Variants in SLC30A8 observed in about 807,000 individuals in gnomAD.
The protein encoded by SLC30A8 is proton-coupled zinc antiporter SLC30A8.
SLC30A8 carries 27 observed loss-of-function variants against 36.9 expected under a neutral mutation model. The observed-to-expected ratio is 0.73, with a 90% CI of 0.54 to 1.01. The LOEUF is 1.01. Among genes scored for constraint, SLC30A8 ranks in the 50% least tolerant of loss-of-function variants. The pLI is 0.00. For missense variants in SLC30A8, 439 were observed against 452.0 expected (o/e 0.97, Z 0.26); for synonymous variants, 164 against 172.4 (o/e 0.95, Z 0.38).
At chr8:117,146,189 T>C (rs762167838) in intron 1 of SLC30A8, among the ~76,000 whole-genome samples, 4 of 152,180 alleles carry the variant, frequency 2.6e-5, no homozygotes, top group Non-Finnish European at 4.4e-5. Flanking sequence ...ACTGATTTGA[T>C]CTTTAAAAAT....
chr8:116,989,815 C>T (rs1167907341), intron 1 of SLC30A8, among the ~76,000 whole-genome samples: 1 of 152,208 alleles, frequency 6.6e-6, no homozygotes, highest in Non-Finnish European at 1.5e-5. Context: ...CAACTTCTTC[C>T]TGGGCCCAAT....
At chr8:117,127,553 G>A (rs1233752385) in intron 2 of SLC30A8, among the ~76,000 whole-genome samples, 1 of 152,014 alleles carries the variant, frequency 6.6e-6, no homozygotes, top group Non-Finnish European at 1.5e-5. Context: ...TGAAAGACAG[G>A]AAAATATTTG....
At chr8:117,016,597 T>G (rs75435710) in intron 1 of SLC30A8, among the ~76,000 whole-genome samples, 1,550 of 152,342 alleles carry the variant, frequency 0.01, 23 homozygotes, top group African/African-American at 0.034. Flanking sequence ...AAACAAATAC[T>G]GTCATCATTT....
Position 117,135,317 on chromosome 8 carries a change from T to A in SLC30A8, c.-11T>A, listed in dbSNP as rs1177170683. ...CAACGACAACAACAGCCGCAGCTCA[T>A]CCTGGCCGTCATGGAGTTTCTTGAA... On this transcript the variant is annotated 5_prime_UTR_variant, in exon 1 of 8. Coordinates refer to ENST00000456015, the MANE Select transcript of SLC30A8 (RefSeq NM_173851.3). 1 of 1,590,202 alleles carries A rather than the reference T, an allele frequency of 6.3e-7. No homozygotes were observed. The highest frequency in any genetic ancestry group is 8.6e-7 in the Non-Finnish European group (1 of 1,165,458).
chr8:117,050,302 C>T (rs1323603293), intron 2 of SLC30A8, among the ~76,000 whole-genome samples: 1 of 152,116 alleles, frequency 6.6e-6, no homozygotes, highest in African/African-American at 2.4e-5. Context: ...TGGTGGCTCG[C>T]AGTCCTCTAA....
chr8:117,012,810 T>A (rs1031719038), intron 1 of SLC30A8, among the ~76,000 whole-genome samples: 1 of 150,658 alleles, frequency 6.6e-6, no homozygotes, highest in Non-Finnish European at 1.5e-5. Context: ...CAGCATATAT[T>A]TCTTATAATC....
Position 117,076,928 on chromosome 8 carries a change from C to T in SLC30A8, c.-226+37670C>T, listed in dbSNP as rs931899677. Among the ~76,000 whole-genome samples the T allele has an allele frequency of 2.6e-5, 4 of 152,166 alleles. No individual in the cohort carries two copies. The South Asian group carries it at 6.2e-4, about 24-fold the overall frequency. On this transcript the variant is annotated intron_variant, in intron 2 of 10. Coordinates refer to the SLC30A8 transcript ENST00000427715. ...CAAAATGTCTTCCGAAGGGATATTT[C>T]AGCATTAAAAGAAGACAAGATCTCT...
intron 2 of SLC30A8, among the ~76,000 whole-genome samples, chr8:117,097,570 T>C (rs1819456592): frequency 9.3e-6 from 1 of 107,058 alleles, no homozygotes; most frequent in African/African-American, 3.9e-5. Context: ...TTATATATAA[T>C]ATATAATTTT....
chr8:117,079,237 C>T (rs192917085), intron 2 of SLC30A8, among the ~76,000 whole-genome samples: 26 of 152,028 alleles, frequency 1.7e-4, no homozygotes, highest in Admixed American at 1.2e-3. Flanking sequence ...CTTGAGCTCC[C>T]GACCTCAGGT....
At chr8:117,170,895 T>G in intron 6 of SLC30A8, 139 bp from the exon 7 acceptor site, 1 of 680,694 alleles carries the variant, frequency 1.5e-6, no homozygotes, top group Non-Finnish European at 2.4e-6. Context: ...TAAATCTTAT[T>G]TGTAAACATT....
chr8:117,119,256 C>A (rs546338390), intron 2 of SLC30A8, among the ~76,000 whole-genome samples: 3 of 151,882 alleles, frequency 2.0e-5, no homozygotes, highest in Admixed American at 6.6e-5. Context: ...CTTTGGCTGT[C>A]GTCTTCAACA....
At chr8:116,969,797 C>T (rs1814730126) in intron 1 of SLC30A8, among the ~76,000 whole-genome samples, 3 of 151,782 alleles carry the variant, frequency 2.0e-5, no homozygotes, top group Admixed American at 2.0e-4. Context: ...AATGATATAC[C>T]TGTATATCAG....
At chr8:117,036,297 A>G (rs1266698700) in intron 1 of SLC30A8, among the ~76,000 whole-genome samples, 1 of 152,186 alleles carries the variant, frequency 6.6e-6, no homozygotes, top group Non-Finnish European at 1.5e-5. Context: ...ATCTCTAGGA[A>G]GTTCCAAACT....
intron 2 of SLC30A8, among the ~76,000 whole-genome samples, chr8:117,104,580 C>G (rs1288534249): frequency 6.6e-6 from 1 of 152,112 alleles, no homozygotes; most frequent in African/African-American, 2.4e-5. Flanking sequence ...TCTGAGAGCT[C>G]ATCAGAATTG....
intron 2 of SLC30A8, among the ~76,000 whole-genome samples, chr8:117,067,979 T>G (rs1818219065): frequency 6.6e-6 from 1 of 152,214 alleles, no homozygotes; most frequent in African/African-American, 2.4e-5. Flanking sequence ...ACCTACAGTT[T>G]CCAAGAAGAT....
intron 1 of SLC30A8, among the ~76,000 whole-genome samples, chr8:117,015,665 G>A (rs887438415): frequency 5.3e-5 from 8 of 152,038 alleles, no homozygotes; most frequent in Non-Finnish European, 7.4e-5. Flanking sequence ...TTTTTCTGGA[G>A]GGGAGCATTT....
intron 1 of SLC30A8, among the ~76,000 whole-genome samples, chr8:116,993,540 A>G (rs1486044544): frequency 6.6e-6 from 1 of 152,084 alleles, no homozygotes; most frequent in Non-Finnish European, 1.5e-5. Context: ...CCCAGAGACA[A>G]TCTAGATGTT....
chr8:117,159,637 A>G (rs942819176), intron 4 of SLC30A8, among the ~76,000 whole-genome samples: 2 of 152,248 alleles, frequency 1.3e-5, no homozygotes, highest in East Asian at 1.9e-4. Context: ...GAGTAGATCA[A>G]TGTAAATCTG....
At chr8:117,041,033 GT>G (rs1817370533) in intron 2 of SLC30A8, among the ~76,000 whole-genome samples, 1 of 152,162 alleles carries the variant, frequency 6.6e-6, no homozygotes. Context: ...GATTTGAGAG[GT>G]TTCCAGCCAC....
Sources: gnomAD v4.1 joint callset for allele counts (sites outside exome capture counted in the v4.1 genomes callset) on GRCh38, gnomAD v4.1.1 for gene constraint, MANE v1.5 for transcripts, NCBI Gene and HGNC (gene_info 2026-07-23, HGNC 2026-07-21) for gene names.